Variants in TRPM3 observed in about 807,000 individuals in gnomAD.
TRPM3 encodes long transient receptor potential channel 3.
In TRPM3, 77 loss-of-function variants were observed where a neutral mutation model predicts 181.2. The ratio of observed to expected loss-of-function variants is 0.42; its 90% CI spans 0.35 to 0.51. The LOEUF is 0.51. TRPM3 is among the 20% of genes least tolerant of loss of function. TRPM3 has a pLI of 0.01. For missense variants in TRPM3, 1,759 were observed against 2,196.7 expected, an observed-to-expected ratio of 0.80 and a Z score of 3.98; for synonymous variants, 745 against 796.4, an observed-to-expected ratio of 0.94 and a Z score of 1.09.
At chr9:71,210,996 C>A (rs2079462387) in intron 1 of TRPM3, among the ~76,000 whole-genome samples, 1 of 152,182 alleles carries the variant, frequency 6.6e-6, no homozygotes, top group Admixed American at 6.5e-5. Flanking sequence ...CCTCTTTTAA[C>A]TTTTATCACC....
intron 1 of TRPM3, among the ~76,000 whole-genome samples, chr9:71,348,631 G>A (rs566038131): frequency 5.3e-5 from 8 of 151,384 alleles, no homozygotes; most frequent in South Asian, 2.1e-4. Flanking sequence ...GTGCAGTGTC[G>A]CAATCTCCGC....
At chr9:70,554,043 T>C (rs1451311630) in intron 22 of TRPM3, among the ~76,000 whole-genome samples, 1 of 139,086 alleles carries the variant, frequency 7.2e-6, no homozygotes, top group Non-Finnish European at 1.5e-5. Context: ...AAAACCTAAC[T>C]GCAGTGGATA....
At chr9:70,889,280 C>T (rs2096151741) in intron 1 of TRPM3, among the ~76,000 whole-genome samples, 1 of 152,208 alleles carries the variant, frequency 6.6e-6, no homozygotes, top group African/African-American at 2.4e-5. Flanking sequence ...CTGCTGCTCT[C>T]CCACCAAGGG....
rs76893456 is a variant in TRPM3, at chr9:71,082,489, A to G, written c.177+38689T>C. Among the ~76,000 whole-genome samples the G allele has an allele frequency of 1.4e-3, 207 of 152,276 alleles. 3 individuals are homozygous for G. In the South Asian group the frequency reaches 0.026, roughly 19 times the overall value. On this transcript the variant is annotated intron_variant, in intron 1 of 25. Transcript: ENST00000677713. ...TAAGTTAGAGCTGTGTTCTAACTTC[A>G]TTCTAGGTAAATAAAGGGAATCTAT...
chr9:71,312,191 AAAT>A, intron 1 of TRPM3, among the ~76,000 whole-genome samples: 1 of 152,306 alleles, frequency 6.6e-6, no homozygotes, highest in Non-Finnish European at 1.5e-5. Flanking sequence ...CTGTTACCCA[AAAT>A]ATATTAAGAT....
chr9:71,213,530 A>G (rs1364312769), intron 1 of TRPM3, among the ~76,000 whole-genome samples: 1 of 152,136 alleles, frequency 6.6e-6, no homozygotes, highest in Non-Finnish European at 1.5e-5. Flanking sequence ...TTTTGTTTTT[A>G]CTTCATCTTT....
chr9:71,446,547 T>C (rs2094206636), intron 1 of TRPM3: 5 of 1,195,766 alleles, frequency 4.2e-6, no homozygotes, highest in Non-Finnish European at 5.7e-6. Context: ...ACAAGTTCCC[T>C]GGCTCTCACC....
chr9:70,739,524 A>G (rs1400325574), intron 8 of TRPM3, among the ~76,000 whole-genome samples: 2 of 152,126 alleles, frequency 1.3e-5, no homozygotes, highest in African/African-American at 4.8e-5. Flanking sequence ...CCAACATAAT[A>G]CTGAATGAGG....
intron 6 of TRPM3, among the ~76,000 whole-genome samples, chr9:70,822,759 T>TTGTGTGTG (rs113090222): frequency 0.051 from 7,559 of 147,130 alleles, 401 homozygotes; most frequent in African/African-American, 0.14. Flanking sequence ...AAGATTTGTC[T>TTGTGTGTG]TGTGTGTGTG....
intron 1 of TRPM3, among the ~76,000 whole-genome samples, chr9:70,908,065 C>A (rs773705382): frequency 1.3e-5 from 2 of 152,036 alleles, no homozygotes; most frequent in African/African-American, 2.4e-5. Context: ...CTTTGTGTAT[C>A]TATCTAGTAA....
chr9:70,811,086 G>A (rs2091937692), intron 6 of TRPM3: 1 of 1,118,630 alleles, frequency 8.9e-7, no homozygotes, highest in Non-Finnish European at 1.3e-6. Flanking sequence ...ATACTGTTAG[G>A]AAATTATAAA....
intron 1 of TRPM3, among the ~76,000 whole-genome samples, chr9:71,040,463 T>G (rs757816520): frequency 9.9e-5 from 15 of 152,186 alleles, no homozygotes; most frequent in Non-Finnish European, 2.1e-4. Context: ...TATAAAACAT[T>G]TTACTTTCAG....
At chr9:70,620,393 T>G in intron 15 of TRPM3, 28 bp from the exon 16 acceptor site, 1 of 1,583,430 alleles carries the variant, frequency 6.3e-7, no homozygotes, top group South Asian at 1.2e-5. Flanking sequence ...CCACACAGAC[T>G]GAGTTAGAAA....
intron 6 of TRPM3, among the ~76,000 whole-genome samples, chr9:70,821,558 A>G (rs1295367692): frequency 1.3e-5 from 2 of 152,224 alleles, no homozygotes; most frequent in African/African-American, 4.8e-5. Context: ...GAACTTATAT[A>G]AATATCTGAA....
chr9:70,537,052 A>G lies in TRPM3; in HGVS notation c.4061T>C (p.Val1354Ala), dbSNP rs763468179. ...TATACCACCTTTGTCTTTCATATTG[A>G]CCGAATAGAAAGAATGGCTTCGCAT... ...PRMRSHSFYS[V>A]NMKDKGGIEK... is the part of the protein sequence containing the mutation. The change falls in exon 26 of 26, where the codon GTC becomes GCC. Residue 1354 changes from valine (V) to alanine (A), a missense_variant. Transcript: ENST00000677713. 18 of 1,612,578 alleles carry G rather than the reference A, an allele frequency of 1.1e-5. No homozygotes were observed. In the Admixed American group the frequency reaches 2.3e-4, roughly 21 times the overall value.
chr9:70,875,074 T>C (rs1201759139), intron 1 of TRPM3, among the ~76,000 whole-genome samples: 1 of 151,954 alleles, frequency 6.6e-6, no homozygotes, highest in Admixed American at 6.6e-5. Context: ...CTGTCGGATC[T>C]TGTTTCTGAA....
At position 70,811,274 on chromosome 9, in the gene TRPM3, T is replaced by G; in HGVS notation, c.973+16573A>C. On this transcript the variant is annotated intron_variant, in intron 6 of 25. Coordinates refer to ENST00000677713, the MANE Select transcript of TRPM3 (RefSeq NM_001366145.2). ...CAAAAAATAAAATCTTTGAAATTTC[T>G]ACACCCTGTGGTTGCATACACATTT... The G allele has an allele frequency of 3.2e-6, 5 of 1,555,660 alleles. No individual in the cohort carries two copies. The African/African-American group carries it at 4.1e-5, about 13-fold the overall frequency.
chr9:71,038,319 T>C (rs1254040249), intron 1 of TRPM3, among the ~76,000 whole-genome samples: 2 of 152,088 alleles, frequency 1.3e-5, no homozygotes, highest in East Asian at 3.9e-4. Flanking sequence ...GAAATAGAAG[T>C]CCAGACAGGA....
intron 1 of TRPM3, among the ~76,000 whole-genome samples, chr9:71,206,369 G>C (rs920856791): frequency 6.6e-6 from 1 of 152,216 alleles, no homozygotes; most frequent in Admixed American, 6.5e-5. Context: ...TTTTTCATAT[G>C]TTTGTTGGCC....
Sources: allele counts gnomAD v4.1 joint callset (sites outside exome capture counted in the v4.1 genomes callset), GRCh38; gene constraint gnomAD v4.1.1; transcripts MANE v1.5; gene names NCBI Gene and HGNC (gene_info 2026-07-23, HGNC 2026-07-21).